Variants in DAB1 observed in about 807,000 individuals in gnomAD.
DAB1 encodes disabled homolog 1.
Under a neutral mutation model 64.6 loss-of-function variants are expected in DAB1, and 15 were observed. The observed-to-expected ratio is 0.23, with a 90% CI of 0.16 to 0.36. The LOEUF is 0.36. DAB1 is among the 10% of genes least tolerant of loss of function. The pLI is 1.00. For synonymous variants in DAB1, 235 were observed against 251.9 expected, an observed-to-expected ratio of 0.93 and a Z score of 0.64; for missense variants, 596 against 706.7, an observed-to-expected ratio of 0.84 and a Z score of 1.78.
intron 9 of DAB1, among the ~76,000 whole-genome samples, chr1:57,050,950 G>A (rs1304456839): frequency 6.6e-6 from 1 of 152,136 alleles, no homozygotes; most frequent in African/African-American, 2.4e-5. Flanking sequence ...AAGTAATGAA[G>A]GTCTGTCATT....
chr1:57,541,361 C>T (rs1644801893), intron 7 of DAB1, among the ~76,000 whole-genome samples: 1 of 152,136 alleles, frequency 6.6e-6, no homozygotes, highest in African/African-American at 2.4e-5. Context: ...GATCCCCTGA[C>T]CTTGTGATCT....
intron 5 of DAB1, among the ~76,000 whole-genome samples, chr1:57,929,482 T>C (rs1376599604): frequency 1.3e-5 from 2 of 152,250 alleles, no homozygotes; most frequent in African/African-American, 4.8e-5. Flanking sequence ...TTGTAAACCA[T>C]GTCTTTGCTG....
intron 1 of DAB1, among the ~76,000 whole-genome samples, chr1:57,349,099 A>C (rs11800574): frequency 0.12 from 17,969 of 152,238 alleles, 1,192 homozygotes; most frequent in Admixed American, 0.15. Flanking sequence ...CCAGGCAAGT[A>C]ATCCCAATAG....
chr1:57,704,403 T>C (rs1317109919), intron 6 of DAB1, among the ~76,000 whole-genome samples: 3 of 152,162 alleles, frequency 2.0e-5, no homozygotes, highest in Non-Finnish European at 4.4e-5. Flanking sequence ...TCTGAGCATT[T>C]TTCATTTTGT....
At chr1:57,097,693 T>C (rs1229506468) in intron 4 of DAB1, among the ~76,000 whole-genome samples, 1 of 152,226 alleles carries the variant, frequency 6.6e-6, no homozygotes, top group Non-Finnish European at 1.5e-5. Flanking sequence ...CATCATTATA[T>C]AATTTTCATT....
At chr1:57,301,782 G>A (rs1354178769) in intron 1 of DAB1, among the ~76,000 whole-genome samples, 1 of 152,158 alleles carries the variant, frequency 6.6e-6, no homozygotes, top group Non-Finnish European at 1.5e-5. Context: ...CTTCACGAGT[G>A]CCCTGGGCAG....
chr1:58,425,607 G>C (rs1313182699), intron 3 of DAB1, among the ~76,000 whole-genome samples: 3 of 152,118 alleles, frequency 2.0e-5, no homozygotes, highest in African/African-American at 7.2e-5. Context: ...AGCATAGGAT[G>C]AAAAGAGAAG....
At chr1:57,457,201 A>C (rs1686627920) in intron 7 of DAB1, among the ~76,000 whole-genome samples, 1 of 152,132 alleles carries the variant, frequency 6.6e-6, no homozygotes, top group Non-Finnish European at 1.5e-5. Context: ...AGGAGAAGAA[A>C]GAGCCTGTCT....
chr1:58,508,762 G>T (rs1646028219), intron 2 of DAB1, among the ~76,000 whole-genome samples: 1 of 152,084 alleles, frequency 6.6e-6, no homozygotes, highest in African/African-American at 2.4e-5. Flanking sequence ...AAGCACACAA[G>T]CAGTTGCCAT....
chr1:57,908,619 G>T (rs1569968569), intron 5 of DAB1, among the ~76,000 whole-genome samples: 1 of 51,724 alleles, frequency 1.9e-5, no homozygotes. Flanking sequence ...CTCAGGAAAG[G>T]CCCCTGTCAA....
intron 4 of DAB1, among the ~76,000 whole-genome samples, chr1:58,309,949 A>G (rs1662391121): frequency 6.6e-6 from 1 of 152,164 alleles, no homozygotes; most frequent in African/African-American, 2.4e-5. Flanking sequence ...AGGAATTTGA[A>G]TCTTGATGAT....
chr1:57,107,472 G>T (rs1264469275), intron 4 of DAB1, among the ~76,000 whole-genome samples: 3 of 151,586 alleles, frequency 2.0e-5, no homozygotes, highest in Non-Finnish European at 4.4e-5. Flanking sequence ...GGTTTTAGGG[G>T]AACATAGAGA....
intron 2 of DAB1, among the ~76,000 whole-genome samples, chr1:57,263,575 T>C (rs961784993): frequency 2.6e-5 from 4 of 152,164 alleles, no homozygotes; most frequent in African/African-American, 9.7e-5. Flanking sequence ...GGAGAAGTAG[T>C]AGCAGTGGTA....
At chr1:58,425,146 G>A (rs1644810053) in intron 3 of DAB1, among the ~76,000 whole-genome samples, 1 of 152,180 alleles carries the variant, frequency 6.6e-6, no homozygotes, top group Admixed American at 6.5e-5. Context: ...TTCATGAAGA[G>A]ATAGACCCTT....
intron 4 of DAB1, among the ~76,000 whole-genome samples, chr1:58,191,343 A>G (rs1303610770): frequency 6.6e-6 from 1 of 152,186 alleles, no homozygotes; most frequent in Non-Finnish European, 1.5e-5. Context: ...ACCTTGCCCA[A>G]AGGTACATCT....
chr1:58,333,788 A>G (rs1663031264), intron 4 of DAB1, among the ~76,000 whole-genome samples: 2 of 152,340 alleles, frequency 1.3e-5, no homozygotes, highest in South Asian at 4.2e-4. Context: ...AGAATGCATA[A>G]AAGAATGCAT....
chr1:57,272,426 C>T (rs1309966799), intron 2 of DAB1, among the ~76,000 whole-genome samples: 2 of 152,202 alleles, frequency 1.3e-5, no homozygotes, highest in South Asian at 2.1e-4. Context: ...TCCCAAGAAT[C>T]AGCCTTGCTG....
intron 7 of DAB1, among the ~76,000 whole-genome samples, chr1:57,568,425 T>G (rs1645149931): frequency 6.6e-6 from 1 of 151,972 alleles, no homozygotes; most frequent in African/African-American, 2.4e-5. Flanking sequence ...AATTGACAAA[T>G]GGGATCGAAT....
intron 3 of DAB1, among the ~76,000 whole-genome samples, chr1:58,430,880 G>A (rs992833708): frequency 3.3e-5 from 5 of 152,168 alleles, no homozygotes; most frequent in African/African-American, 1.2e-4. Flanking sequence ...AGAGCAAGCC[G>A]CATCTGGAGA....
Sources: gnomAD v4.1 joint callset for allele counts (sites outside exome capture counted in the v4.1 genomes callset) on GRCh38, gnomAD v4.1.1 for gene constraint, MANE v1.5 for transcripts, NCBI Gene and HGNC (gene_info 2026-07-23, HGNC 2026-07-21) for gene names.